Variants in ZFHX3 observed in about 807,000 individuals in gnomAD.
ZFHX3 encodes the protein zinc finger homeobox 3.
Under a neutral mutation model 279.1 loss-of-function variants are expected in ZFHX3, and 42 were observed. That is an observed-to-expected ratio of 0.15 (90% confidence interval 0.12 to 0.19). ZFHX3 has a LOEUF of 0.19. ZFHX3 is among the 10% of genes least tolerant of loss of function. ZFHX3 has a pLI of 1.00. For missense variants in ZFHX3, 4,981 were observed against 4,754.0 expected (o/e 1.05, Z -1.40); for synonymous variants, 2,293 against 1,957.8 (o/e 1.17, Z -4.52).
chr16:73,667,935 G>A (rs879099853), intron 2 of ZFHX3, among the ~76,000 whole-genome samples: 2 of 152,086 alleles, frequency 1.3e-5, no homozygotes, highest in Admixed American at 1.3e-4. Context: ...GAGCATTCTG[G>A]CCAATTAGCA....
At chr16:73,259,853 C>T (rs1337193231) in intron 4 of ZFHX3, among the ~76,000 whole-genome samples, 1 of 152,298 alleles carries the variant, frequency 6.6e-6, no homozygotes, top group South Asian at 2.1e-4. Context: ...TTTCTATAAA[C>T]ATTCTGCTAA....
intron 1 of ZFHX3, among the ~76,000 whole-genome samples, chr16:72,998,792 T>C (rs887937707): frequency 6.6e-6 from 1 of 152,218 alleles, no homozygotes. Flanking sequence ...CAATTATATT[T>C]GGGTGACATG....
chr16:73,656,684 C>T (rs933874366), intron 2 of ZFHX3, among the ~76,000 whole-genome samples: 1 of 152,222 alleles, frequency 6.6e-6, no homozygotes, highest in South Asian at 2.1e-4. Context: ...AGTACTTCCA[C>T]CATTATCTAG....
chr16:73,650,781 A>G (rs1483885995), intron 2 of ZFHX3, among the ~76,000 whole-genome samples: 2 of 152,122 alleles, frequency 1.3e-5, no homozygotes, highest in Non-Finnish European at 2.9e-5. Context: ...AGCAGATTTA[A>G]CTCCTGTATG....
intron 5 of ZFHX3, among the ~76,000 whole-genome samples, chr16:73,155,466 A>G (rs1555501475): frequency 2.0e-5 from 3 of 152,184 alleles, no homozygotes; most frequent in Admixed American, 6.5e-5. Context: ...GGAACAGCCA[A>G]TGGTGACAAA....
chr16:73,309,318 G>C (rs560352626), intron 4 of ZFHX3, among the ~76,000 whole-genome samples: 17 of 152,242 alleles, frequency 1.1e-4, no homozygotes, highest in Admixed American at 7.9e-4. Flanking sequence ...TTACAAGTGA[G>C]AACATGTGAT....
intron 1 of ZFHX3, among the ~76,000 whole-genome samples, chr16:73,715,934 T>C (rs2053410288): frequency 6.6e-6 from 1 of 152,132 alleles, no homozygotes. Flanking sequence ...TCTAACAGCA[T>C]ATTTCCTCTA....
At chr16:73,105,444 C>CACACAT (rs1567389929) in intron 7 of ZFHX3, among the ~76,000 whole-genome samples, 4 of 125,524 alleles carry the variant, frequency 3.2e-5, no homozygotes, top group South Asian at 5.4e-4. Flanking sequence ...CACACACACA[C>CACACAT]ATATATATAT....
At chr16:73,778,236 T>TAAAA (rs10654824) in intron 1 of ZFHX3, among the ~76,000 whole-genome samples, 3,409 of 58,642 alleles carry the variant, frequency 0.058, 573 homozygotes, top group African/African-American at 0.086. Context: ...GAAGGAGTGT[T>TAAAA]AAAAAAAAAA....
intron 1 of ZFHX3, among the ~76,000 whole-genome samples, chr16:73,888,439 A>G (rs2030421554): frequency 6.6e-6 from 1 of 152,226 alleles, no homozygotes; most frequent in Non-Finnish European, 1.5e-5. Context: ...AAAAAATAGT[A>G]ATAATAATAA....
At chr16:73,470,373 G>GT (rs2018645809) in intron 2 of ZFHX3, among the ~76,000 whole-genome samples, 1 of 152,180 alleles carries the variant, frequency 6.6e-6, no homozygotes, top group Admixed American at 6.5e-5. Flanking sequence ...GTCCTGGTCT[G>GT]TATCTGCCTT....
intron 1 of ZFHX3, among the ~76,000 whole-genome samples, chr16:73,731,052 T>C (rs1447476142): frequency 6.6e-6 from 1 of 152,186 alleles, no homozygotes; most frequent in African/African-American, 2.4e-5. Context: ...TCTTAAAGGA[T>C]AAAAAAAGGT....
At chr16:73,097,970 A>T (rs997897115) in intron 7 of ZFHX3, among the ~76,000 whole-genome samples, 18 of 150,714 alleles carry the variant, frequency 1.2e-4, no homozygotes, top group African/African-American at 4.2e-4. Flanking sequence ...ATGTTTATCC[A>T]CTCCCCTGTT....
At chr16:72,824,105 T>G (rs1447833941) in intron 5 of ZFHX3, among the ~76,000 whole-genome samples, 1 of 152,194 alleles carries the variant, frequency 6.6e-6, no homozygotes, top group African/African-American at 2.4e-5. Flanking sequence ...TGCACCAGGA[T>G]GTGCCTGACC....
intron 4 of ZFHX3, among the ~76,000 whole-genome samples, chr16:72,841,589 T>C (rs980180362): frequency 6.6e-6 from 1 of 152,004 alleles, no homozygotes; most frequent in African/African-American, 2.4e-5. Flanking sequence ...TTTGCTAGGG[T>C]TTAACAAAAT....
chr16:73,858,476 T>C (rs979295298), intron 1 of ZFHX3, among the ~76,000 whole-genome samples: 1 of 152,178 alleles, frequency 6.6e-6, no homozygotes, highest in African/African-American at 2.4e-5. Flanking sequence ...TGAAAGGAAA[T>C]GATTATGTTT....
chr16:73,448,300 T>A (rs930787735), intron 3 of ZFHX3, among the ~76,000 whole-genome samples: 3 of 152,218 alleles, frequency 2.0e-5, no homozygotes, highest in African/African-American at 7.2e-5. Flanking sequence ...AACAACTATC[T>A]TTTTTAGTAC....
At chr16:73,251,826 A>G (rs372104546) in intron 5 of ZFHX3, among the ~76,000 whole-genome samples, 2,002 of 144,772 alleles carry the variant, frequency 0.014, 30 homozygotes, top group Middle Eastern at 0.036. Flanking sequence ...CACACACCAC[A>G]CACACACCAT....
intron 1 of ZFHX3, among the ~76,000 whole-genome samples, chr16:73,866,234 C>G (rs1264725982): frequency 3.8e-5 from 5 of 130,426 alleles, no homozygotes; most frequent in African/African-American, 1.4e-4. Flanking sequence ...GTCTAGAGTG[C>G]AGTGGTACGA....
Sources: gnomAD v4.1 joint callset for allele counts (sites outside exome capture counted in the v4.1 genomes callset) on GRCh38, gnomAD v4.1.1 for gene constraint, MANE v1.5 for transcripts, NCBI Gene and HGNC (gene_info 2026-07-23, HGNC 2026-07-21) for gene names.